The following VPS13B variants were observed in gnomAD, a reference collection of about 807,000 sequenced individuals.
VPS13B encodes vacuolar protein sorting 13 homolog B, also known as intermembrane lipid transfer protein VPS13B.
VPS13B carries 285 observed loss-of-function variants against 426.4 expected under a neutral mutation model. The ratio of observed to expected loss-of-function variants is 0.67; its 90% CI spans 0.61 to 0.74. The LOEUF (loss-of-function observed/expected upper bound fraction) is 0.74, where lower values mean the gene tolerates loss of function less well. Ranked by LOEUF, VPS13B falls within the 30% of genes least tolerant of loss-of-function variation. VPS13B has a pLI of 0.00. For missense variants in VPS13B, 4,537 were observed against 4,782.6 expected, an observed-to-expected ratio of 0.95 and a Z score of 1.51; for synonymous variants, 1,676 against 1,676.4, an observed-to-expected ratio of 1.00 and a Z score of 0.01.
In VPS13B at chr8:99,249,805, C is replaced by A. The variant is rs865969933; in HGVS notation, c.2516-24393C>A. 8.7e-4 allele frequency among the ~76,000 whole-genome samples: 133 copies of A among 152,236 alleles called. 2 individuals are homozygous for A. The highest frequency in any genetic ancestry group is 3.2e-3 in the African/African-American group (131 of 41,544). On this transcript the variant is annotated intron_variant, in intron 17 of 61. Transcript: ENST00000357162. ...CCTGTAATCCCAACACTTTGGGAAG[C>A]TAAGGTGGGATGATTCCTTGAGCCC...
chr8:99,428,701 A>G (rs1250797358), intron 21 of VPS13B, among the ~76,000 whole-genome samples: 1 of 152,206 alleles, frequency 6.6e-6, no homozygotes, highest in East Asian at 1.9e-4. Flanking sequence ...AACTGGTTCA[A>G]CCATTGTGGA....
At chr8:99,591,160 G>A (rs1354629756) in intron 33 of VPS13B, among the ~76,000 whole-genome samples, 5 of 134,076 alleles carry the variant, frequency 3.7e-5, no homozygotes, top group African/African-American at 5.4e-5. Context: ...GATTGCAACC[G>A]CTCCTTTTTT....
chr8:99,490,337 A>T (rs183908080), intron 25 of VPS13B, among the ~76,000 whole-genome samples: 71 of 152,284 alleles, frequency 4.7e-4, no homozygotes, highest in African/African-American at 1.6e-3. Flanking sequence ...GTTGATGTTC[A>T]TCAGGGATAT....
At chr8:99,229,220 A>C (rs959441135) in intron 17 of VPS13B, among the ~76,000 whole-genome samples, 7 of 152,230 alleles carry the variant, frequency 4.6e-5, no homozygotes, top group African/African-American at 1.7e-4. Flanking sequence ...TGGGCAACCC[A>C]GCAGGGACCT....
chr8:99,325,203 G>A (rs1316232329), intron 19 of VPS13B, among the ~76,000 whole-genome samples: 1 of 152,060 alleles, frequency 6.6e-6, no homozygotes, highest in East Asian at 1.9e-4. Context: ...CTCTCACCTG[G>A]GCCCCCCAAA....
chr8:99,697,218 A>G, intron 35 of VPS13B: 1 of 569,082 alleles, frequency 1.8e-6, no homozygotes, highest in Admixed American at 2.6e-5. Flanking sequence ...GCACAAGGTA[A>G]AGCTGGAGGT....
intron 17 of VPS13B, among the ~76,000 whole-genome samples, chr8:99,205,164 C>T (rs999570598): frequency 6.6e-6 from 1 of 152,182 alleles, no homozygotes; most frequent in Non-Finnish European, 1.5e-5. Flanking sequence ...CCATGGAATA[C>T]TATGCAGCCA....
At chr8:99,388,556 T>A (rs1055886985) in intron 20 of VPS13B, among the ~76,000 whole-genome samples, 1 of 152,166 alleles carries the variant, frequency 6.6e-6, no homozygotes, top group Admixed American at 6.6e-5. Flanking sequence ...TGAGAAGAGC[T>A]ACAGTACCAG....
intron 3 of VPS13B, among the ~76,000 whole-genome samples, chr8:99,083,580 G>A (rs1352837737): frequency 6.3e-5 from 9 of 142,912 alleles, no homozygotes; most frequent in African/African-American, 2.4e-4. Context: ...TCAATATGAT[G>A]TTGGCTGTGG....
At chr8:99,539,345 GATT>G (rs1232271760) in intron 30 of VPS13B, among the ~76,000 whole-genome samples, 3 of 152,074 alleles carry the variant, frequency 2.0e-5, no homozygotes, top group Non-Finnish European at 4.4e-5. Flanking sequence ...AATGATGTAT[GATT>G]ATAATTTTTG....
chr8:99,014,107 T>TTAA lies in VPS13B; in HGVS notation c.147+173_147+174insAAT, dbSNP rs1200626820. On this transcript the variant is annotated intron_variant, in intron 2 of 61. Transcript: ENST00000357162. The stretch of plus-strand genomic sequence containing the variant: ...TTTTACACTATTTTCTTTTTCTTTC[T>TTAA]TTCTTTTTTTTTTTTTTTTTTTTTT... Among the ~76,000 whole-genome samples the TTAA allele has an allele frequency of 7.8e-5, 11 of 140,198 alleles. No homozygotes were observed. The East Asian group carries it at 2.2e-3, about 27-fold the overall frequency. 92.0% of individuals were successfully genotyped at this position (140,198 alleles called of 152,430 possible). A position where few individuals can be genotyped will look rare whatever the true frequency, so the allele number is the denominator to read the frequency against.
chr8:99,650,873 T>C (rs1327320383), intron 34 of VPS13B, among the ~76,000 whole-genome samples: 1 of 152,162 alleles, frequency 6.6e-6, no homozygotes, highest in African/African-American at 2.4e-5. Context: ...CCAAACAAAA[T>C]TGCATCTTTA....
At chr8:99,093,610 A>G (rs76833849) in intron 3 of VPS13B, among the ~76,000 whole-genome samples, 4,702 of 147,630 alleles carry the variant, frequency 0.032, 99 homozygotes, top group East Asian at 0.054. Flanking sequence ...ATTCCCACCT[A>G]TGAGTGAGAA....
At chr8:99,639,098 T>A (rs1196884875) in intron 33 of VPS13B, among the ~76,000 whole-genome samples, 1 of 152,224 alleles carries the variant, frequency 6.6e-6, no homozygotes, top group Non-Finnish European at 1.5e-5. Context: ...AAGTAGGAGT[T>A]ATTATCCTCA....
At chr8:99,086,768 A>G (rs573001201) in intron 3 of VPS13B, among the ~76,000 whole-genome samples, 8 of 152,304 alleles carry the variant, frequency 5.3e-5, no homozygotes, top group African/African-American at 1.9e-4. Flanking sequence ...GCTGCAGAAC[A>G]GTGGATATTG....
intron 6 of VPS13B, among the ~76,000 whole-genome samples, chr8:99,113,017 CT>C (rs2132487852): frequency 6.6e-6 from 1 of 151,868 alleles, no homozygotes; most frequent in African/African-American, 2.4e-5. Flanking sequence ...TTCTCTCTTT[CT>C]TTTTTCTCCC....
intron 22 of VPS13B, among the ~76,000 whole-genome samples, chr8:99,434,752 G>C (rs559149947): frequency 1.4e-4 from 21 of 152,214 alleles, no homozygotes; most frequent in Admixed American, 9.8e-4. Flanking sequence ...ATGGCTTGTC[G>C]TTCTTGTGTA....
intron 17 of VPS13B, among the ~76,000 whole-genome samples, chr8:99,210,198 C>A (rs1233667380): frequency 6.6e-6 from 1 of 152,160 alleles, no homozygotes; most frequent in Non-Finnish European, 1.5e-5. Context: ...TTATTTACTT[C>A]TACCTGTATT....
At chr8:99,163,606 G>A (rs1811812311) in intron 15 of VPS13B, among the ~76,000 whole-genome samples, 1 of 152,166 alleles carries the variant, frequency 6.6e-6, no homozygotes, top group Non-Finnish European at 1.5e-5. Context: ...AGCACTGTTG[G>A]GGGACCCAGT....
Sources: gnomAD v4.1 joint callset for allele counts (sites outside exome capture counted in the v4.1 genomes callset) on GRCh38, gnomAD v4.1.1 for gene constraint, MANE v1.5 for transcripts, NCBI Gene and HGNC (gene_info 2026-07-23, HGNC 2026-07-21) for gene names.